The following SEMA5B variants were observed in gnomAD, a reference collection of about 807,000 sequenced individuals.
SEMA5B encodes semaphorin-5B.
Under a neutral mutation model 135.0 loss-of-function variants are expected in SEMA5B, and 66 were observed. The observed-to-expected ratio is 0.49, with a 90% confidence interval of 0.40 to 0.60. SEMA5B has a LOEUF of 0.60. Ranked by LOEUF, SEMA5B falls within the 20% of genes least tolerant of loss-of-function variation. SEMA5B has a pLI of 0.00. For synonymous variants in SEMA5B, 690 were observed against 639.5 expected, an observed-to-expected ratio of 1.08 and a Z score of -1.19; for missense variants, 1,501 against 1,566.3, an observed-to-expected ratio of 0.96 and a Z score of 0.70.
chr3:123,013,703 A>G (rs1560445891), intron 1 of SEMA5B, among the ~76,000 whole-genome samples: 1 of 152,110 alleles, frequency 6.6e-6, no homozygotes. Flanking sequence ...CCTGCTCCCA[A>G]TCTAGCCAGA....
intron 8 of SEMA5B, among the ~76,000 whole-genome samples, chr3:122,927,192 C>T (rs1396360957): frequency 1.3e-5 from 2 of 152,156 alleles, no homozygotes; most frequent in East Asian, 3.9e-4. Context: ...CCCTCCCTCT[C>T]TTTCTTTTTT....
intron 1 of SEMA5B, among the ~76,000 whole-genome samples, chr3:122,969,949 C>G (rs896648558): frequency 6.6e-6 from 1 of 152,184 alleles, no homozygotes; most frequent in Non-Finnish European, 1.5e-5. Flanking sequence ...CAGGACCTGG[C>G]TGCTGGTTTC....
At chr3:122,947,604 G>A (rs933658300) in intron 3 of SEMA5B, among the ~76,000 whole-genome samples, 3 of 152,220 alleles carry the variant, frequency 2.0e-5, no homozygotes, top group African/African-American at 7.2e-5. Context: ...GCCCAGAACT[G>A]AGGACTGGCT....
intron 1 of SEMA5B, among the ~76,000 whole-genome samples, chr3:122,990,380 G>A (rs929106948): frequency 6.6e-6 from 1 of 152,170 alleles, no homozygotes; most frequent in Non-Finnish European, 1.5e-5. Context: ...GCTTGGCCAT[G>A]TTGAGACCCA....
At chr3:122,952,944 C>T (rs1166412299) in intron 2 of SEMA5B, among the ~76,000 whole-genome samples, 1 of 152,180 alleles carries the variant, frequency 6.6e-6, no homozygotes, top group Non-Finnish European at 1.5e-5. Context: ...TGCTTACCAG[C>T]CCCTGCGTAC....
chr3:122,989,696 G>T (rs1941815325), intron 1 of SEMA5B, among the ~76,000 whole-genome samples: 1 of 152,238 alleles, frequency 6.6e-6, no homozygotes, highest in Non-Finnish European at 1.5e-5. Context: ...CACCCTAGAG[G>T]TTGGAAAGGT....
rs778995801 is a variant in SEMA5B at position 122,927,959 on chromosome 3, G to A, written c.681C>T (p.Ala227=). 6 of 1,561,548 alleles carry A rather than the reference G, an allele frequency of 3.8e-6. No homozygotes were observed. The highest frequency in any genetic ancestry group is 4.3e-6 in the Non-Finnish European group (5 of 1,152,488). The change falls in exon 8 of 23, where the codon GCC becomes GCT. Residue 227 remains alanine (A), a synonymous_variant. Coordinates refer to ENST00000357599, the MANE Select transcript of SEMA5B (RefSeq NM_001031702.4). ...TGTGGCGTGGGTCATAGGGGCAGCGGGCCACACCATTGATCTTCTCAATAG... is the reference window on the plus strand; with the variant it reads ...TGTGGCGTGGGTCATAGGGGCAGCGAGCCACACCATTGATCTTCTCAATAG... ...SRTIEKINGV[A]RCPYDPRHNS... is the part of the protein sequence containing the mutation.
At chr3:123,001,042 G>C (rs1942161082) in intron 1 of SEMA5B, among the ~76,000 whole-genome samples, 1 of 152,186 alleles carries the variant, frequency 6.6e-6, no homozygotes, top group South Asian at 2.1e-4. Flanking sequence ...GGGAGGAGCA[G>C]GGCAGATTTC....
At chr3:122,944,614 A>G (rs948268182) in intron 3 of SEMA5B, among the ~76,000 whole-genome samples, 2 of 152,180 alleles carry the variant, frequency 1.3e-5, no homozygotes, top group Admixed American at 1.3e-4. Context: ...GTCAGTGTCC[A>G]CCCTGCCTCC....
chr3:122,945,100 C>T (rs1449936959), intron 3 of SEMA5B, among the ~76,000 whole-genome samples: 1 of 152,216 alleles, frequency 6.6e-6, no homozygotes, highest in Non-Finnish European at 1.5e-5. Context: ...CCCTTCATTT[C>T]TGCACGACAG....
chr3:122,915,911 G>T, intron 12 of SEMA5B, 21 bp from the exon 13 acceptor site: 2 of 1,601,750 alleles, frequency 1.2e-6, no homozygotes, highest in Non-Finnish European at 1.7e-6. Context: ...GACGTCCTGA[G>T]ATTCAAGCCC....
intron 1 of SEMA5B, among the ~76,000 whole-genome samples, chr3:122,982,940 G>A (rs1560407559): frequency 6.6e-6 from 1 of 152,194 alleles, no homozygotes; most frequent in Non-Finnish European, 1.5e-5. Flanking sequence ...TCTCTTTCGA[G>A]AGTCACTCTC....
intron 1 of SEMA5B, among the ~76,000 whole-genome samples, chr3:122,970,169 C>T (rs560326051): frequency 7.4e-4 from 112 of 152,336 alleles, no homozygotes; most frequent in Middle Eastern, 3.4e-3. Context: ...TCACACAAAA[C>T]GGAATGGCAG....
chr3:122,922,800 T>A (rs1938431700), intron 10 of SEMA5B, among the ~76,000 whole-genome samples: 1 of 152,164 alleles, frequency 6.6e-6, no homozygotes, highest in Non-Finnish European at 1.5e-5. Context: ...TCTCCTACCT[T>A]GGGCCAAGCC....
intron 12 of SEMA5B, among the ~76,000 whole-genome samples, chr3:122,916,705 A>G (rs1938091204): frequency 6.6e-6 from 1 of 152,164 alleles, no homozygotes; most frequent in African/African-American, 2.4e-5. Flanking sequence ...CTCAAAACAC[A>G]GCGCAGGATC....
chr3:122,972,121 C>G (rs1171013068), intron 1 of SEMA5B, among the ~76,000 whole-genome samples: 1 of 152,216 alleles, frequency 6.6e-6, no homozygotes, highest in Non-Finnish European at 1.5e-5. Flanking sequence ...AGCTCTGCCA[C>G]TACCTGACTT....
In SEMA5B at chr3:122,911,937, G is replaced by T; in HGVS notation, c.3029C>A (p.Pro1010His). 1 of 1,603,724 alleles carries T rather than the reference G, an allele frequency of 6.2e-7. No homozygotes were observed. Among genetic ancestry groups the T allele is most frequent in the Admixed American group, 1.7e-5 (1 of 59,484 alleles). ...GTACCTACCGGGAATCTCGCTGTAG[G>T]GGCAGGGGCGGCTCTGGCTGCTGTT... ...AGNSSQSRPC[P>H]YSEIPVILPA... Residue 1010 changes from proline (P) to histidine (H), a missense_variant, in exon 20 of 23, where the codon CCC (proline) becomes CAC (histidine). By Grantham distance (77) the Pro-to-His change is moderately conservative (BLOSUM62 -2). This residue lies in a region of SEMA5B where 927 missense variants were observed against 881.6 expected (regional missense o/e 1.05). Transcript: ENST00000357599.
Position 122,909,866 on chromosome 3 carries a change from A to T in SEMA5B, c.*277T>A, listed in dbSNP as rs1937608804. Reference sequence around the variant, plus strand: ...TGCCCAGTAGGTCCACAGCCCAGGCATGGCAGCATAGTGTCAGCGTGACAG... The same window carrying T: ...TGCCCAGTAGGTCCACAGCCCAGGCTTGGCAGCATAGTGTCAGCGTGACAG... On this transcript the variant is annotated 3_prime_UTR_variant, in exon 23 of 23. Transcript: ENST00000357599. 2 of 370,406 alleles carry T rather than the reference A, an allele frequency of 5.4e-6. No homozygotes were observed. Among genetic ancestry groups the T allele is most frequent in the Admixed American group, 8.6e-5 (2 of 23,202 alleles). 22.9% of individuals were successfully genotyped at this position (370,406 alleles called of 1,614,324 possible).
intron 1 of SEMA5B, among the ~76,000 whole-genome samples, chr3:122,996,516 G>C (rs1452677275): frequency 6.6e-6 from 1 of 152,256 alleles, no homozygotes; most frequent in Non-Finnish European, 1.5e-5. Flanking sequence ...CCAAGATCCA[G>C]GCACGAGCAG....
Sources: allele counts gnomAD v4.1 joint callset (sites outside exome capture counted in the v4.1 genomes callset), GRCh38; gene constraint gnomAD v4.1.1; regional missense constraint gnomAD v4.1.1; transcripts MANE v1.5; gene names NCBI Gene and HGNC (gene_info 2026-07-23, HGNC 2026-07-21).